PPA2: variants seen among roughly 807,000 people sequenced by gnomAD.
PPA2 encodes the protein inorganic pyrophosphatase 2, mitochondrial.
In PPA2, 48 loss-of-function variants were observed where a neutral mutation model predicts 49.5. The observed-to-expected ratio is 0.97, with a 90% CI of 0.77 to 1.23. PPA2 has a LOEUF of 1.23. Ranked by LOEUF, PPA2 falls within the 50% of genes most tolerant of loss-of-function variation. The pLI is 0.00. For synonymous variants in PPA2, 131 were observed against 139.9 expected, an observed-to-expected ratio of 0.94 and a Z score of 0.45; for missense variants, 429 against 410.1, an observed-to-expected ratio of 1.05 and a Z score of -0.40.
At chr4:105,461,224 C>A (rs879772002) in intron 1 of PPA2, among the ~76,000 whole-genome samples, 1 of 152,196 alleles carries the variant, frequency 6.6e-6, no homozygotes, top group African/African-American at 2.4e-5. Context: ...TAAAGGGCTG[C>A]AACCTGCAAG....
At chr4:105,450,428 G>A (rs1168815241) in intron 3 of PPA2, among the ~76,000 whole-genome samples, 1 of 150,792 alleles carries the variant, frequency 6.6e-6, no homozygotes, top group African/African-American at 2.4e-5. Flanking sequence ...CCAGGCTGGA[G>A]TGCAGCAGCA....
Position 105,418,033 on chromosome 4 carries a change from C to A in PPA2, c.655+6163G>T, listed in dbSNP as rs536906817. 3.3e-5 allele frequency among the ~76,000 whole-genome samples: 5 copies of A among 152,298 alleles called. No individual in the cohort carries two copies. The South Asian group carries it at 1.0e-3, about 32-fold the overall frequency. ...TTAAAAAAAGAGAATAACTTATCTT[C>A]ATTGAAGTTGTGTGAAGATTAAACA... On this transcript the variant is annotated intron_variant, in intron 7 of 11. Coordinates refer to ENST00000341695, the MANE Select transcript of PPA2 (RefSeq NM_176869.3).
chr4:105,419,945 C>A (rs2110263836), intron 7 of PPA2, among the ~76,000 whole-genome samples: 1 of 122,402 alleles, frequency 8.2e-6, no homozygotes, highest in East Asian at 3.2e-4. Flanking sequence ...ATAACAGCTT[C>A]TTTTTCTTTC....
chr4:105,444,512 C>T (rs1024434783), intron 5 of PPA2, among the ~76,000 whole-genome samples: 1 of 152,104 alleles, frequency 6.6e-6, no homozygotes, highest in African/African-American at 2.4e-5. Flanking sequence ...CAGTCTAATT[C>T]TGTTTTATTA....
intron 1 of PPA2, among the ~76,000 whole-genome samples, chr4:105,461,780 T>G (rs1035124993): frequency 1.3e-5 from 2 of 152,188 alleles, no homozygotes; most frequent in Non-Finnish European, 1.5e-5. Context: ...GTGTTTCACA[T>G]GAAAAGGAAT....
At chr4:105,455,388 C>A (rs1010834154) in intron 2 of PPA2, among the ~76,000 whole-genome samples, 1 of 152,088 alleles carries the variant, frequency 6.6e-6, no homozygotes, top group South Asian at 2.1e-4. Context: ...CTTCTATTGT[C>A]CTGGAGCTGC....
intron 7 of PPA2, among the ~76,000 whole-genome samples, chr4:105,418,694 T>C (rs918695221): frequency 5.3e-5 from 8 of 152,356 alleles, no homozygotes; most frequent in African/African-American, 1.9e-4. Context: ...TAAACAGTTA[T>C]TGCAGCACAA....
intron 6 of PPA2, among the ~76,000 whole-genome samples, chr4:105,434,527 C>G (rs762293324): frequency 6.6e-6 from 1 of 152,070 alleles, no homozygotes; most frequent in African/African-American, 2.4e-5. Flanking sequence ...AGACAGTCCT[C>G]TCTCATAAAG....
intron 6 of PPA2, among the ~76,000 whole-genome samples, chr4:105,436,873 A>G (rs1724086524): frequency 6.6e-6 from 1 of 152,150 alleles, no homozygotes; most frequent in Non-Finnish European, 1.5e-5. Flanking sequence ...AAAATTCCTG[A>G]AGAAAATCTA....
chr4:105,462,276 T>A (rs1183055472), intron 1 of PPA2, among the ~76,000 whole-genome samples: 1 of 152,132 alleles, frequency 6.6e-6, no homozygotes, highest in East Asian at 1.9e-4. Flanking sequence ...CAGAATATAT[T>A]AGTGATACAT....
intron 10 of PPA2, among the ~76,000 whole-genome samples, chr4:105,381,154 T>C (rs1022401884): frequency 1.3e-5 from 2 of 152,130 alleles, no homozygotes; most frequent in Non-Finnish European, 2.9e-5. Flanking sequence ...AAGCAAATTA[T>C]GATGTTTAGT....
chr4:105,396,194 G>A, intron 9 of PPA2, 55 bp downstream of exon 9: 1 of 1,075,366 alleles, frequency 9.3e-7, no homozygotes, highest in Non-Finnish European at 1.3e-6. Context: ...TTATTATGTG[G>A]CTGTTTAATA....
At chr4:105,409,334 G>A (rs996303394) in intron 7 of PPA2, among the ~76,000 whole-genome samples, 1 of 152,254 alleles carries the variant, frequency 6.6e-6, no homozygotes, top group African/African-American at 2.4e-5. Context: ...TGAGACGGCA[G>A]CCTGGTGGGA....
At chr4:105,379,566 C>T (rs765044224) in intron 10 of PPA2, among the ~76,000 whole-genome samples, 14 of 151,494 alleles carry the variant, frequency 9.2e-5, no homozygotes, top group Admixed American at 4.6e-4. Context: ...CAGGTGCAAG[C>T]GATTCTCCTG....
Position 105,412,907 on chromosome 4 carries a change from T to C in PPA2, c.655+11289A>G, listed in dbSNP as rs184370512. Among the ~76,000 whole-genome samples the C allele has an allele frequency of 2.6e-4, 40 of 152,322 alleles. No homozygotes were observed. The East Asian group carries it at 7.3e-3, about 28-fold the overall frequency. On this transcript the variant is annotated intron_variant, in intron 7 of 11. Coordinates refer to ENST00000341695, the MANE Select transcript of PPA2 (RefSeq NM_176869.3). ...GTGGGAGTGTAAATTAGTTCAACCA[T>C]TGCAGAAGACAGTGTGGCGATTCCT...
At chr4:105,380,732 T>G (rs1733453811) in intron 10 of PPA2, among the ~76,000 whole-genome samples, 1 of 151,990 alleles carries the variant, frequency 6.6e-6, no homozygotes, top group Non-Finnish European at 1.5e-5. Flanking sequence ...TAATACCATA[T>G]ATGTTTGTTT....
intron 9 of PPA2, among the ~76,000 whole-genome samples, chr4:105,389,959 G>T (rs1399011035): frequency 6.6e-6 from 1 of 152,070 alleles, no homozygotes; most frequent in African/African-American, 2.4e-5. Flanking sequence ...CCAGATTACT[G>T]GTGCCAAAAC....
At chr4:105,413,839 A>G (rs1183656354) in intron 7 of PPA2, among the ~76,000 whole-genome samples, 3 of 152,278 alleles carry the variant, frequency 2.0e-5, no homozygotes, top group Non-Finnish European at 4.4e-5. Context: ...ATCTTTAAAC[A>G]GGAATCAAAA....
chr4:105,472,284 C>T (rs72954338), intron 1 of PPA2, among the ~76,000 whole-genome samples: 4,004 of 152,282 alleles, frequency 0.026, 77 homozygotes, highest in African/African-American at 0.052. Context: ...ATTCCAAATC[C>T]GGTACTGGGT....
Sources: gnomAD v4.1 joint callset for allele counts (sites outside exome capture counted in the v4.1 genomes callset) on GRCh38, gnomAD v4.1.1 for gene constraint, MANE v1.5 for transcripts, NCBI Gene and HGNC (gene_info 2026-07-23, HGNC 2026-07-21) for gene names.